The following NTN4 variants were observed in gnomAD, a reference collection of about 807,000 sequenced individuals.
The protein encoded by NTN4 is netrin-4.
In NTN4, 32 loss-of-function variants were observed where a neutral mutation model predicts 73.6. The ratio of observed to expected loss-of-function variants is 0.44; its 90% CI spans 0.33 to 0.58. The LOEUF is 0.58. NTN4 is among the 20% of genes least tolerant of loss of function. NTN4 has a pLI of 0.04. For missense variants in NTN4, 654 were observed against 798.3 expected (o/e 0.82, Z 2.18); for synonymous variants, 258 against 287.5 (o/e 0.90, Z 1.04).
rs1318275813 is a variant in NTN4 at position 95,787,083 on chromosome 12, G to A, written c.441C>T (p.Ser147=). 1.2e-6 allele frequency: 2 copies of A among 1,614,098 alleles called. No homozygotes were observed. The highest frequency in any genetic ancestry group is 1.7e-6 in the Non-Finnish European group (2 of 1,180,050). ...PRPAAMVLDR[S]QDFGKTWKPY... Reference sequence around the variant, plus strand: ...GCTTCCATGTTTTCCCAAAGTCCTGGGAGCGGTCCAGCACCATGGCAGCCG... The same window carrying A: ...GCTTCCATGTTTTCCCAAAGTCCTGAGAGCGGTCCAGCACCATGGCAGCCG... Residue 147 remains serine, a synonymous_variant, in exon 2 of 10, where the codon TCC becomes TCT. Transcript: ENST00000343702.
chr12:95,725,598 A>G (rs1330928757), intron 3 of NTN4, among the ~76,000 whole-genome samples: 1 of 152,158 alleles, frequency 6.6e-6, no homozygotes, highest in African/African-American at 2.4e-5. Flanking sequence ...TATTCTATAC[A>G]GGGCACAGGG....
At chr12:95,764,676 CA>C (rs11326708) in intron 2 of NTN4, among the ~76,000 whole-genome samples, 33,986 of 98,736 alleles carry the variant, frequency 0.34, 4,322 homozygotes, top group Admixed American at 0.43. Flanking sequence ...CCGCCCCGAC[CA>C]AAAAAAAAAA....
rs75742107 is a variant in NTN4 at position 95,766,618 on chromosome 12, G to A, written c.585+20321C>T. On this transcript the variant is annotated intron_variant, in intron 2 of 9. Coordinates refer to ENST00000343702, the MANE Select transcript of NTN4 (RefSeq NM_021229.4). ...CATCCATAAATCCTCTCTCATAGGC[G>A]AAATATCCCAAGTTAATTGTTCATT... 6.9e-3 allele frequency among the ~76,000 whole-genome samples: 1,050 copies of A among 152,258 alleles called. 37 individuals carry two copies. The East Asian group carries it at 0.086, about 12-fold the overall frequency.
chr12:95,721,664 T>G lies in NTN4; in HGVS notation c.865-8326A>C, dbSNP rs191618365. Among the ~76,000 whole-genome samples, 4 of 152,308 alleles carry G rather than the reference T, an allele frequency of 2.6e-5. No homozygotes were observed. The East Asian group carries it at 7.7e-4, about 29-fold the overall frequency. Reference sequence around the variant, plus strand: ...ACGATCTGGTAAGAATGGTAATAGGTAGTGTGATGACTTCTAGTCAGTTTA... The same window carrying G: ...ACGATCTGGTAAGAATGGTAATAGGGAGTGTGATGACTTCTAGTCAGTTTA... On this transcript the variant is annotated intron_variant, in intron 3 of 9. Coordinates refer to ENST00000343702, the MANE Select transcript of NTN4 (RefSeq NM_021229.4).
chr12:95,685,310 A>G (rs2078353176), intron 5 of NTN4, among the ~76,000 whole-genome samples: 1 of 152,220 alleles, frequency 6.6e-6, no homozygotes, highest in Non-Finnish European at 1.5e-5. Flanking sequence ...TCCTCTGGAT[A>G]ATCTTTTCTC....
intron 7 of NTN4, among the ~76,000 whole-genome samples, chr12:95,674,965 A>G (rs1227719057): frequency 6.6e-6 from 1 of 152,242 alleles, no homozygotes; most frequent in Non-Finnish European, 1.5e-5. Flanking sequence ...AATGTCCTAT[A>G]GTCCTAAAAA....
chr12:95,710,774 C>T (rs903812546), intron 4 of NTN4, 145 bp from the exon 5 acceptor site: 1 of 682,306 alleles, frequency 1.5e-6, no homozygotes, highest in Non-Finnish European at 2.4e-6. Flanking sequence ...GAGGCTGAGG[C>T]AGGTGGATCA....
At chr12:95,768,808 A>G (rs924988143) in intron 2 of NTN4, among the ~76,000 whole-genome samples, 1 of 152,206 alleles carries the variant, frequency 6.6e-6, no homozygotes, top group African/African-American at 2.4e-5. Context: ...TAGTAGCTAC[A>G]GGGATGGAGA....
chr12:95,765,215 G>C (rs943572985), intron 2 of NTN4, among the ~76,000 whole-genome samples: 2 of 152,172 alleles, frequency 1.3e-5, no homozygotes, highest in Non-Finnish European at 2.9e-5. Flanking sequence ...AGTTCAAAAA[G>C]AATTTGTAAA....
chr12:95,749,024 T>G (rs1267868839), intron 2 of NTN4, among the ~76,000 whole-genome samples: 1 of 152,168 alleles, frequency 6.6e-6, no homozygotes, highest in African/African-American at 2.4e-5. Flanking sequence ...TGCCCCACCA[T>G]TAACCCTGTG....
chr12:95,679,334 A>G (rs2078297902), intron 7 of NTN4, among the ~76,000 whole-genome samples: 1 of 152,242 alleles, frequency 6.6e-6, no homozygotes, highest in South Asian at 2.1e-4. Context: ...TAGACAAGAC[A>G]CAGATCCATT....
Position 95,790,338 on chromosome 12 carries a change from C to A in NTN4, c.-29G>T, listed in dbSNP as rs1214615269. The stretch of plus-strand genomic sequence containing the variant: ...CGGGAGGAGCCGGGAGCAGCCGGGC[C>A]GGGCGGGTGCCGGAGGGAGCCGAGA... On this transcript the variant is annotated 5_prime_UTR_variant, in exon 1 of 10. Transcript: ENST00000343702. The surrounding 1 kb of genome is among the most constrained non-coding windows in gnomAD (Gnocchi z 6.5). 7.9e-6 allele frequency: 12 copies of A among 1,517,392 alleles called. No homozygotes were observed. The highest frequency in any genetic ancestry group is 9.7e-6 in the Non-Finnish European group (11 of 1,133,814). 94.0% of individuals were successfully genotyped at this position (1,517,392 alleles called of 1,614,324 possible).
chr12:95,677,135 C>A (rs1345860842), intron 7 of NTN4, among the ~76,000 whole-genome samples: 1 of 151,836 alleles, frequency 6.6e-6, no homozygotes, highest in Non-Finnish European at 1.5e-5. Context: ...ACTTGGGAGG[C>A]TGAGAATTGC....
At chr12:95,729,649 GTGTGTGTGTGT>G (rs2078723892) in intron 3 of NTN4, among the ~76,000 whole-genome samples, 2 of 151,366 alleles carry the variant, frequency 1.3e-5, no homozygotes, top group African/African-American at 4.9e-5. Context: ...GTGTGTGTGT[GTGTGTGTGTGT>G]GTGTGTGTGT....
rs183138564 is a variant in NTN4, at chr12:95,769,146, A to G, written c.585+17793T>C. 3.3e-5 allele frequency among the ~76,000 whole-genome samples: 5 copies of G among 152,282 alleles called. No individual in the cohort carries two copies. The East Asian group carries it at 7.7e-4, about 24-fold the overall frequency. On this transcript the variant is annotated intron_variant, in intron 2 of 9. Transcript: ENST00000343702. Reference sequence around the variant, plus strand: ...TAGGGCAAACTTGAGAGTGGAAAACATAAAGGCATCTCTCAGTATGATTGT... The same window carrying G: ...TAGGGCAAACTTGAGAGTGGAAAACGTAAAGGCATCTCTCAGTATGATTGT...
intron 5 of NTN4, among the ~76,000 whole-genome samples, chr12:95,687,493 C>A (rs753144733): frequency 1.3e-5 from 2 of 149,448 alleles, no homozygotes; most frequent in Non-Finnish European, 3.0e-5. Flanking sequence ...CTCTGTCTCC[C>A]GGGTTCAATC....
upstream of NTN4, chr12:95,791,022 GC>G: frequency 6.6e-6 from 1 of 150,892 alleles, no homozygotes; most frequent in Non-Finnish European, 1.5e-5. This position sits in a 1 kb window ranked among gnomAD's most constrained non-coding sequence, Gnocchi z 4.0. Flanking sequence ...CTGCCCTGGC[GC>G]CCCTCCTGGC....
chr12:95,681,073 C>G (rs564139861), intron 7 of NTN4, among the ~76,000 whole-genome samples: 1 of 151,340 alleles, frequency 6.6e-6, no homozygotes, highest in South Asian at 2.1e-4. Flanking sequence ...CCTGTAATCA[C>G]AGCTATTTGG....
intron 2 of NTN4, among the ~76,000 whole-genome samples, chr12:95,779,068 T>C (rs2079114190): frequency 6.6e-6 from 1 of 152,178 alleles, no homozygotes; most frequent in South Asian, 2.1e-4. Context: ...CACATTATTA[T>C]CTCAGTAGAT....
Sources: allele counts gnomAD v4.1 joint callset (sites outside exome capture counted in the v4.1 genomes callset), GRCh38; gene constraint gnomAD v4.1.1; non-coding constraint Gnocchi (gnomAD v3.1); transcripts MANE v1.5; gene names NCBI Gene and HGNC (gene_info 2026-07-23, HGNC 2026-07-21).